STK39: variants seen among roughly 807,000 people sequenced by gnomAD.
The protein encoded by STK39 is STE20/SPS1-related proline-alanine-rich protein kinase.
STK39 carries 20 observed loss-of-function variants against 77.8 expected under a neutral mutation model. The ratio of observed to expected loss-of-function variants is 0.26; its 90% CI spans 0.18 to 0.37. The LOEUF (loss-of-function observed/expected upper bound fraction) is 0.37, where lower values mean the gene tolerates loss of function less well. Ranked by LOEUF, STK39 falls within the 10% of genes least tolerant of loss-of-function variation. The probability of loss-of-function intolerance (pLI) is 1.00; values close to 1 mark genes in which losing one functional copy is unlikely to be tolerated. For synonymous variants in STK39, 246 were observed against 234.1 expected (o/e 1.05, Z -0.47); for missense variants, 479 against 656.5 (o/e 0.73, Z 2.95).
intron 1 of STK39, among the ~76,000 whole-genome samples, chr2:168,200,484 G>A (rs1225002772): frequency 1.3e-5 from 2 of 150,974 alleles, no homozygotes; most frequent in South Asian, 4.2e-4. Flanking sequence ...GCCCAGCATG[G>A]TGAAACCCCA....
At chr2:168,136,270 G>A in intron 8 of STK39, among the ~76,000 whole-genome samples, 1 of 151,338 alleles carries the variant, frequency 6.6e-6, no homozygotes, top group Non-Finnish European at 1.5e-5. Context: ...TCGGGAGAGT[G>A]AGGCAGGAGA....
chr2:168,144,987 A>G (rs1688098592), intron 5 of STK39, among the ~76,000 whole-genome samples: 1 of 152,036 alleles, frequency 6.6e-6, no homozygotes, highest in Non-Finnish European at 1.5e-5. Flanking sequence ...TCAGAAAAAA[A>G]AAAAAAAGAA....
chr2:168,102,731 C>T (rs765666246), intron 10 of STK39, among the ~76,000 whole-genome samples: 3 of 151,944 alleles, frequency 2.0e-5, no homozygotes, highest in African/African-American at 4.8e-5. Context: ...AGATTGAGAC[C>T]TTCCTGGCTA....
chr2:168,084,175 T>A (rs967741723), intron 10 of STK39, among the ~76,000 whole-genome samples: 7 of 152,084 alleles, frequency 4.6e-5, no homozygotes, highest in African/African-American at 1.7e-4. Flanking sequence ...AGCTTTCAGG[T>A]GGGCATGGTG....
At chr2:168,084,591 A>G (rs1460614437) in intron 10 of STK39, among the ~76,000 whole-genome samples, 1 of 152,230 alleles carries the variant, frequency 6.6e-6, no homozygotes, top group African/African-American at 2.4e-5. Flanking sequence ...ACTGACATCT[A>G]CAGTAAAGTG....
intron 15 of STK39, among the ~76,000 whole-genome samples, chr2:168,015,415 C>T (rs941608240): frequency 6.6e-6 from 1 of 152,232 alleles, no homozygotes; most frequent in Admixed American, 6.5e-5. Context: ...GTGATATATG[C>T]ACATCACTTC....
intron 1 of STK39, among the ~76,000 whole-genome samples, chr2:168,235,639 G>A (rs1226803766): frequency 8.1e-6 from 1 of 122,986 alleles, no homozygotes; most frequent in East Asian, 2.3e-4. Flanking sequence ...AGAGTGTGAT[G>A]TTCCCCTTCC....
At chr2:168,075,295 C>A in intron 10 of STK39, 64 bp from the exon 11 acceptor site, 2 of 1,603,666 alleles carry the variant, frequency 1.2e-6, no homozygotes, top group Non-Finnish European at 1.7e-6. Flanking sequence ...ACTGGTGCTG[C>A]AACTTGGGTT....
At chr2:168,234,324 G>A (rs1025417559) in intron 1 of STK39, among the ~76,000 whole-genome samples, 3 of 152,160 alleles carry the variant, frequency 2.0e-5, no homozygotes, top group Non-Finnish European at 4.4e-5. Flanking sequence ...CTTGAAATGT[G>A]GCCAGTGTAA....
At chr2:167,983,462 A>AAG in intron 16 of STK39, among the ~76,000 whole-genome samples, 1 of 141,648 alleles carries the variant, frequency 7.1e-6, no homozygotes, top group East Asian at 2.4e-4. Flanking sequence ...CCAAAAAAAA[A>AAG]AAAAAAAAGA....
At chr2:168,090,062 T>C (rs1297579356) in intron 10 of STK39, among the ~76,000 whole-genome samples, 1 of 152,234 alleles carries the variant, frequency 6.6e-6, no homozygotes, top group Non-Finnish European at 1.5e-5. Flanking sequence ...CTCTCCGAGG[T>C]AGCTGAGTTT....
intron 16 of STK39, among the ~76,000 whole-genome samples, chr2:168,007,293 C>T (rs1423877195): frequency 6.6e-6 from 1 of 152,144 alleles, no homozygotes; most frequent in Non-Finnish European, 1.5e-5. Flanking sequence ...TCTTAAAACA[C>T]TAGAATCCTA....
intron 2 of STK39, among the ~76,000 whole-genome samples, chr2:168,170,382 T>C (rs963570859): frequency 1.1e-4 from 16 of 152,206 alleles, no homozygotes; most frequent in African/African-American, 3.9e-4. Context: ...AATATAAAAA[T>C]GTTTTAGCTG....
intron 7 of STK39, among the ~76,000 whole-genome samples, chr2:168,138,944 G>A (rs146983723): frequency 1.6e-3 from 239 of 152,296 alleles, no homozygotes; most frequent in African/African-American, 5.6e-3. Context: ...AAAGTGGAAA[G>A]TGTAGAAAAC....
At chr2:168,236,233 T>G (rs1046058184) in intron 1 of STK39, among the ~76,000 whole-genome samples, 22 of 152,222 alleles carry the variant, frequency 1.4e-4, no homozygotes, top group Admixed American at 6.5e-5. Flanking sequence ...TCATGTGTCT[T>G]TTGGCTGCAT....
chr2:168,183,688 T>C (rs1878486), intron 1 of STK39, among the ~76,000 whole-genome samples: 11,980 of 152,158 alleles, frequency 0.079, 1,147 homozygotes, highest in East Asian at 0.23. Flanking sequence ...GAGAGTGCTA[T>C]GGACAGGTTG....
intron 8 of STK39, 41 bp downstream of exon 8, chr2:168,138,047 C>A: frequency 6.3e-7 from 1 of 1,598,036 alleles, no homozygotes; most frequent in Non-Finnish European, 8.5e-7. Flanking sequence ...TTTGTCATGG[C>A]TCAAACCAGG....
At chr2:168,073,949 G>A (rs1367397050) in intron 12 of STK39, among the ~76,000 whole-genome samples, 2 of 152,144 alleles carry the variant, frequency 1.3e-5, no homozygotes, top group African/African-American at 2.4e-5. Flanking sequence ...AAATTGAGAG[G>A]TGAATTAAAT....
Position 168,012,672 on chromosome 2 carries a change from A to T in STK39, c.1460T>A (p.Phe487Tyr). Residue 487 changes from phenylalanine (F) to tyrosine (Y), a missense_variant, in exon 16 of 18, where the codon TTC (phenylalanine) becomes TAC (tyrosine). By Grantham distance (22) the Phe-to-Tyr change is conservative. This residue lies in a region of STK39 where 244 missense variants were observed against 296.8 expected (regional missense o/e 0.82). Transcript: ENST00000355999. ...DTADGVSQEL[F>Y]SAGLVDGHDV... is the part of the protein sequence containing the mutation. ...GTGACCATCCACCAAGCCAGCAGAGAAGAGCTCCTGAGATACACCATCTGC... is the reference window on the plus strand; with the variant it reads ...GTGACCATCCACCAAGCCAGCAGAGTAGAGCTCCTGAGATACACCATCTGC... 6.2e-7 allele frequency: 1 copy of T among 1,613,826 alleles called. No individual in the cohort carries two copies.
Sources: gnomAD v4.1 joint callset for allele counts (sites outside exome capture counted in the v4.1 genomes callset) on GRCh38, gnomAD v4.1.1 for gene constraint, gnomAD v4.1.1 regional missense constraint, MANE v1.5 for transcripts, NCBI Gene and HGNC (gene_info 2026-07-23, HGNC 2026-07-21) for gene names.